Variants in IQSEC1 observed in about 807,000 individuals in gnomAD.
IQSEC1 encodes IQ motif and SEC7 domain-containing protein 1.
Under a neutral mutation model 91.0 loss-of-function variants are expected in IQSEC1, and 31 were observed. The observed-to-expected ratio is 0.34, with a 90% CI of 0.26 to 0.46. The LOEUF is 0.46. IQSEC1 is among the 20% of genes least tolerant of loss of function. The pLI is 1.00. For synonymous variants in IQSEC1, 699 were observed against 662.6 expected (o/e 1.05, Z -0.84); for missense variants, 1,388 against 1,575.6 (o/e 0.88, Z 2.02).
intron 2 of IQSEC1, among the ~76,000 whole-genome samples, chr3:13,097,188 G>A (rs972948572): frequency 1.3e-5 from 2 of 152,084 alleles, no homozygotes; most frequent in South Asian, 2.1e-4. Flanking sequence ...GCATCCCTTC[G>A]CCTCTGCAAA....
At chr3:13,198,818 C>T (rs1036327705) in intron 1 of IQSEC1, among the ~76,000 whole-genome samples, 1 of 152,214 alleles carries the variant, frequency 6.6e-6, no homozygotes, top group Non-Finnish European at 1.5e-5. Flanking sequence ...CCTGCTGGAG[C>T]TCATGCCCTT....
chr3:13,018,498 A>G (rs1703248120), intron 1 of IQSEC1, among the ~76,000 whole-genome samples: 1 of 152,246 alleles, frequency 6.6e-6, no homozygotes, highest in African/African-American at 2.4e-5. Flanking sequence ...TTCTTTTTCA[A>G]TATAATGCCA....
Position 12,916,865 on chromosome 3 carries a change from CTTAGAT to C in IQSEC1, c.2021-1138_2021-1133del, listed in dbSNP as rs929726115. Among the ~76,000 whole-genome samples the C allele has an allele frequency of 3.9e-4, 59 of 152,332 alleles. 1 individual carries two copies. Among genetic ancestry groups the C allele is most frequent in the African/African-American group, 1.4e-3 (58 of 41,572 alleles). ...ACAGTAAAGCACATGGGCCGTTTCT[CTTAGAT>C]TTAGTAAGTGGGAAAAGCAAGGTGC... is the stretch of plus-strand genomic sequence containing the variant. On this transcript the variant is annotated intron_variant, in intron 6 of 13. Transcript: ENST00000613206.
rs182341127 is a variant in IQSEC1 at position 12,905,521 on chromosome 3, G to A, written c.2756-2699C>T. Among the ~76,000 whole-genome samples, 38 of 152,394 alleles carry A rather than the reference G, an allele frequency of 2.5e-4. No homozygotes were observed. The East Asian group carries it at 6.6e-3, about 26-fold the overall frequency. On this transcript the variant is annotated intron_variant, in intron 12 of 13. Transcript: ENST00000613206. ...CTGCAGCTGGGGAAACGGGCCCACAGGGTCTGACCGCTAGAGAGGGCAGGC... is the reference window on the plus strand; with the variant it reads ...CTGCAGCTGGGGAAACGGGCCCACAAGGTCTGACCGCTAGAGAGGGCAGGC...
chr3:12,938,149 A>G (rs953502173), intron 2 of IQSEC1, among the ~76,000 whole-genome samples: 1 of 152,176 alleles, frequency 6.6e-6, no homozygotes, highest in Non-Finnish European at 1.5e-5. Context: ...TGGCGTGGGC[A>G]TGTGATGTGG....
rs1283670266 is a variant in IQSEC1 at position 13,008,011 on chromosome 3, A to C, written c.23+64981T>G. ...TGACCTTCTAAGCCTGCACTCCTCT[A>C]GGAAGCCAGGTGAGAGAGCAGAGGA... On this transcript the variant is annotated intron_variant, in intron 1 of 13. Coordinates refer to ENST00000613206, the MANE Select transcript of IQSEC1 (RefSeq NM_001134382.3). This position sits in a 1 kb window ranked among gnomAD's most constrained non-coding sequence, Gnocchi z 4.1. Among the ~76,000 whole-genome samples, 1 of 152,200 alleles carries C rather than the reference A, an allele frequency of 6.6e-6. No homozygotes were observed. The highest frequency in any genetic ancestry group is 1.5e-5 in the Non-Finnish European group (1 of 68,036).
intron 2 of IQSEC1, among the ~76,000 whole-genome samples, chr3:13,130,403 T>C (rs1393736483): frequency 2.6e-5 from 4 of 152,080 alleles, no homozygotes; most frequent in Non-Finnish European, 5.9e-5. Context: ...TCCAAATATT[T>C]CTCTTTTAAT....
At position 12,915,584 on chromosome 3, in the gene IQSEC1, C is replaced by T; in HGVS notation, c.2160+10G>A. 1.9e-6 allele frequency: 3 copies of T among 1,613,692 alleles called. No homozygotes were observed. The highest frequency in any genetic ancestry group is 2.5e-6 in the Non-Finnish European group (3 of 1,179,730). ...CTGGGGCCCACCACGTACCAGGGCCCATCACATACCGGCTTTTTCCCCACA... is the reference window on the plus strand; with the variant it reads ...CTGGGGCCCACCACGTACCAGGGCCTATCACATACCGGCTTTTTCCCCACA... On this transcript the variant is annotated intron_variant, in intron 7 of 13. Coordinates refer to ENST00000613206, the MANE Select transcript of IQSEC1 (RefSeq NM_001134382.3).
At position 12,967,425 on chromosome 3, in the gene IQSEC1, C is replaced by T. The variant is rs892712177; in HGVS notation, c.24-25560G>A. On this transcript the variant is annotated intron_variant, in intron 1 of 13. Coordinates refer to ENST00000613206, the MANE Select transcript of IQSEC1 (RefSeq NM_001134382.3). The surrounding 1 kb of genome is among the most constrained non-coding windows in gnomAD (Gnocchi z 5.9). ...CTAGCTCCAGAAGGGACTGGGTCCT[C>T]TCCGAGTTGCAGTGCAGGCACCACA... The T allele has an allele frequency of 2.0e-6, 3 of 1,534,554 alleles. No homozygotes were observed. In the African/African-American group the frequency reaches 4.2e-5, roughly 21 times the overall value.
chr3:13,038,565 A>G (rs887055040), intron 1 of IQSEC1, among the ~76,000 whole-genome samples: 59 of 152,226 alleles, frequency 3.9e-4, no homozygotes, highest in African/African-American at 1.4e-3. Context: ...GGAATGAGTA[A>G]GTGAATAAGA....
intron 1 of IQSEC1, among the ~76,000 whole-genome samples, chr3:13,277,606 T>C (rs1364934667): frequency 6.6e-6 from 1 of 152,240 alleles, no homozygotes; most frequent in Admixed American, 6.5e-5. Flanking sequence ...GAACACATTT[T>C]GTCCCATCAG....
At chr3:12,951,446 A>C (rs1320360137) in intron 1 of IQSEC1, among the ~76,000 whole-genome samples, 2 of 41,710 alleles carry the variant, frequency 4.8e-5, no homozygotes, top group African/African-American at 6.8e-5. Context: ...CCTCTATCTC[A>C]AAAAAAAAAA....
chr3:12,914,140 A>G (rs914911621), intron 8 of IQSEC1, among the ~76,000 whole-genome samples: 3 of 152,218 alleles, frequency 2.0e-5, no homozygotes, highest in Non-Finnish European at 4.4e-5. Context: ...CAAAATCCTG[A>G]GCCAGCAGCC....
intron 2 of IQSEC1, among the ~76,000 whole-genome samples, chr3:13,129,655 ATT>A (rs35069619): frequency 1.0e-4 from 12 of 118,328 alleles, no homozygotes; most frequent in East Asian, 4.9e-4. Flanking sequence ...CATCTTATGA[ATT>A]TTTTTTTTTT....
At chr3:12,959,356 C>T (rs563162560) in intron 1 of IQSEC1, among the ~76,000 whole-genome samples, 1 of 152,162 alleles carries the variant, frequency 6.6e-6, no homozygotes, top group Non-Finnish European at 1.5e-5. Flanking sequence ...AGCCACAATA[C>T]CATCCAGGGG....
rs1702729177 is a variant in IQSEC1 at position 13,008,424 on chromosome 3, G to C, written c.23+64568C>G. ...TTAGTCTCCAAACCCTCTGTCCTTTGAGCCTGAATCCCCAGGGGGCTGTTC... is the reference window on the plus strand; with the variant it reads ...TTAGTCTCCAAACCCTCTGTCCTTTCAGCCTGAATCCCCAGGGGGCTGTTC... On this transcript the variant is annotated intron_variant, in intron 1 of 13. Coordinates refer to ENST00000613206, the MANE Select transcript of IQSEC1 (RefSeq NM_001134382.3). The surrounding 1 kb of genome is among the most constrained non-coding windows in gnomAD (Gnocchi z 4.1). 6.6e-6 allele frequency among the ~76,000 whole-genome samples: 1 copy of C among 152,072 alleles called. No individual in the cohort carries two copies. Among genetic ancestry groups the C allele is most frequent in the Non-Finnish European group, 1.5e-5 (1 of 68,020 alleles).
chr3:13,199,714 G>A (rs1694203532), intron 1 of IQSEC1, among the ~76,000 whole-genome samples: 1 of 152,070 alleles, frequency 6.6e-6, no homozygotes, highest in African/African-American at 2.4e-5. Flanking sequence ...GCTCGCCCAC[G>A]AGGACACCCT....
At chr3:13,082,831 A>C (rs1206397849) in intron 2 of IQSEC1, among the ~76,000 whole-genome samples, 3 of 151,874 alleles carry the variant, frequency 2.0e-5, no homozygotes, top group East Asian at 3.9e-4. Context: ...GCCCCGACTC[A>C]TGCCACTCCA....
chr3:13,049,653 C>T (rs904959656), intron 1 of IQSEC1, among the ~76,000 whole-genome samples: 12 of 152,324 alleles, frequency 7.9e-5, no homozygotes, highest in African/African-American at 2.9e-4. Flanking sequence ...CTACCTTGCA[C>T]CCTCCCTCAG....
Sources: gnomAD v4.1 joint callset for allele counts (sites outside exome capture counted in the v4.1 genomes callset) on GRCh38, gnomAD v4.1.1 for gene constraint, Gnocchi (gnomAD v3.1) non-coding constraint, MANE v1.5 for transcripts, NCBI Gene and HGNC (gene_info 2026-07-23, HGNC 2026-07-21) for gene names.